The following TBL1XR1 variants were observed in gnomAD, a reference collection of about 807,000 sequenced individuals.
The protein encoded by TBL1XR1 is TBL1X/Y related 1.
A neutral mutation model predicts 66.9 loss-of-function variants in TBL1XR1; 5 were observed. The ratio of observed to expected loss-of-function variants is 0.07; its 90% confidence interval spans 0.04 to 0.16. The LOEUF is 0.16. Ranked by LOEUF, TBL1XR1 falls within the 10% of genes least tolerant of loss-of-function variation. The pLI is 1.00. For missense variants in TBL1XR1, 238 were observed against 623.2 expected, an observed-to-expected ratio of 0.38 and a Z score of 6.58; for synonymous variants, 210 against 206.0, an observed-to-expected ratio of 1.02 and a Z score of -0.17.
chr3:177,148,534 T>C (rs981580645), intron 1 of TBL1XR1, among the ~76,000 whole-genome samples: 1 of 148,752 alleles, frequency 6.7e-6, no homozygotes, highest in Non-Finnish European at 1.5e-5. Flanking sequence ...ACCAATATGG[T>C]GAAACCCCAT....
intron 1 of TBL1XR1, among the ~76,000 whole-genome samples, chr3:177,098,742 T>C (rs1723817441): frequency 6.6e-6 from 1 of 152,182 alleles, no homozygotes; most frequent in Non-Finnish European, 1.5e-5. Flanking sequence ...AGAACGTTCA[T>C]AAGAGGTTGG....
chr3:177,026,176 G>T (rs892039688), intron 15 of TBL1XR1, 197 bp downstream of exon 15: 1 of 553,992 alleles, frequency 1.8e-6, no homozygotes, highest in Non-Finnish European at 3.1e-6. Flanking sequence ...AAGGTATTTG[G>T]TAAGGACAGC....
chr3:177,115,741 A>G (rs533638667), intron 1 of TBL1XR1, among the ~76,000 whole-genome samples: 14 of 152,346 alleles, frequency 9.2e-5, no homozygotes, highest in African/African-American at 3.1e-4. Context: ...TTTTGAAGCA[A>G]GAAGTAGTAA....
At chr3:177,069,361 A>G (rs1577071331) in intron 2 of TBL1XR1, among the ~76,000 whole-genome samples, 1 of 152,330 alleles carries the variant, frequency 6.6e-6, no homozygotes, top group Non-Finnish European at 1.5e-5. Context: ...TCATTAAGAA[A>G]TATTTCAGTA....
rs1247050949 is a variant in TBL1XR1, at chr3:177,020,468, T to C, written c.*5030A>G. On this transcript the variant is annotated 3_prime_UTR_variant, in exon 16 of 16. Coordinates refer to ENST00000457928, the MANE Select transcript of TBL1XR1 (RefSeq NM_024665.7). ...TTGTAATTTTATTATGGGCTTAAAG[T>C]ATATATCTTGGGAAACAATACGTTT... 2.6e-5 allele frequency: 4 copies of C among 152,152 alleles called. No homozygotes were observed. The highest frequency in any genetic ancestry group is 2.6e-4 in the Admixed American group (4 of 15,270). 9.4% of individuals were successfully genotyped at this position (152,152 alleles called of 1,614,324 possible). A position where few individuals can be genotyped will look rare whatever the true frequency, so the allele number is the denominator to read the frequency against.
chr3:177,149,715 G>T (rs766319490), intron 1 of TBL1XR1, among the ~76,000 whole-genome samples: 1 of 152,070 alleles, frequency 6.6e-6, no homozygotes, highest in African/African-American at 2.4e-5. Context: ...TAAATGGTTG[G>T]GGGGGCCGGA....
At chr3:177,107,322 G>GA (rs536795720) in intron 1 of TBL1XR1, among the ~76,000 whole-genome samples, 2 of 152,112 alleles carry the variant, frequency 1.3e-5, no homozygotes, top group African/African-American at 4.8e-5. Context: ...AGATTCACGT[G>GA]AAAAAAAGTT....
chr3:177,057,966 C>T (rs543794774), intron 3 of TBL1XR1, among the ~76,000 whole-genome samples: 1 of 152,212 alleles, frequency 6.6e-6, no homozygotes, highest in Admixed American at 6.5e-5. Flanking sequence ...CTATAGATCG[C>T]TTGTTTCAGG....
At chr3:177,058,118 T>C (rs1718038302) in intron 3 of TBL1XR1, among the ~76,000 whole-genome samples, 2 of 152,172 alleles carry the variant, frequency 1.3e-5, no homozygotes, top group Admixed American at 6.5e-5. Flanking sequence ...ACAGGATGAC[T>C]AGATGAGACA....
intron 1 of TBL1XR1, among the ~76,000 whole-genome samples, chr3:177,116,805 T>C (rs905674065): frequency 6.6e-6 from 1 of 152,188 alleles, no homozygotes; most frequent in Non-Finnish European, 1.5e-5. Context: ...AAGCACGTAA[T>C]AGTACCTGGG....
chr3:177,166,279 T>C (rs1349131623), intron 1 of TBL1XR1, among the ~76,000 whole-genome samples: 2 of 151,912 alleles, frequency 1.3e-5, no homozygotes, highest in Non-Finnish European at 2.9e-5. Context: ...AAAGGAAAAA[T>C]ACATTAAAAA....
intron 5 of TBL1XR1, among the ~76,000 whole-genome samples, 162 bp from the exon 6 acceptor site, chr3:177,050,772 C>A (rs192346191): frequency 8.7e-6 from 1 of 114,568 alleles, no homozygotes; most frequent in East Asian, 3.0e-4. Context: ...CTTAGTCACA[C>A]AGAAAATAAA....
At chr3:177,033,999 C>T (rs894755727) in intron 13 of TBL1XR1, among the ~76,000 whole-genome samples, 199 bp downstream of exon 13, 1 of 151,116 alleles carries the variant, frequency 6.6e-6, no homozygotes, top group Admixed American at 6.6e-5. Flanking sequence ...ACACTGCTTG[C>T]AAAACCAGTG....
chr3:177,081,974 C>G (rs907673888), intron 2 of TBL1XR1, among the ~76,000 whole-genome samples: 5 of 152,054 alleles, frequency 3.3e-5, no homozygotes, highest in East Asian at 1.9e-4. Flanking sequence ...AAATAACTAG[C>G]TGGTACACAG....
intron 1 of TBL1XR1, chr3:177,099,258 T>TCA (rs1251435125): frequency 3.3e-5 from 5 of 152,256 alleles, no homozygotes; most frequent in African/African-American, 1.2e-4. Context: ...TCCCAGCTAC[T>TCA]TGGGAGGCTG....
intron 1 of TBL1XR1, among the ~76,000 whole-genome samples, chr3:177,113,784 T>A (rs1725946379): frequency 6.6e-6 from 1 of 152,116 alleles, no homozygotes; most frequent in Non-Finnish European, 1.5e-5. Context: ...TCACTAATCA[T>A]CAGGAAAATC....
intron 1 of TBL1XR1, among the ~76,000 whole-genome samples, chr3:177,135,226 T>A (rs1051715155): frequency 6.7e-6 from 1 of 148,208 alleles, no homozygotes; most frequent in African/African-American, 2.5e-5. Context: ...GGTTTCAAAC[T>A]CCTGACCTCA....
intron 2 of TBL1XR1, among the ~76,000 whole-genome samples, chr3:177,078,255 A>C (rs564594118): frequency 6.6e-6 from 1 of 152,332 alleles, no homozygotes; most frequent in Non-Finnish European, 1.5e-5. Context: ...TATATTTTTA[A>C]ACTTTCATAA....
chr3:177,096,331 T>TAC (rs756833949), intron 2 of TBL1XR1, among the ~76,000 whole-genome samples: 21 of 100,760 alleles, frequency 2.1e-4, no homozygotes, highest in East Asian at 1.6e-3. Flanking sequence ...CTAACATACA[T>TAC]ACATACACAC....
Sources: gnomAD v4.1 joint callset for allele counts (sites outside exome capture counted in the v4.1 genomes callset) on GRCh38, gnomAD v4.1.1 for gene constraint, MANE v1.5 for transcripts, NCBI Gene and HGNC (gene_info 2026-07-23, HGNC 2026-07-21) for gene names.